SGCD: variants seen among roughly 807,000 people sequenced by gnomAD.
SGCD encodes sarcoglycan delta, also known as delta-sarcoglycan.
A neutral mutation model predicts 36.6 loss-of-function variants in SGCD; 18 were observed. The observed-to-expected ratio is 0.49, with a 90% confidence interval of 0.34 to 0.73. SGCD has a LOEUF of 0.73. Ranked by LOEUF, SGCD falls within the 30% of genes least tolerant of loss-of-function variation. SGCD has a pLI of 0.01. For synonymous variants in SGCD, 133 were observed against 130.6 expected (o/e 1.02, Z -0.12); for missense variants, 387 against 346.7 (o/e 1.12, Z -0.92).
intron 7 of SGCD, among the ~76,000 whole-genome samples, chr5:156,717,199 A>T (rs1196142661): frequency 6.6e-6 from 1 of 152,184 alleles, no homozygotes; most frequent in Admixed American, 6.5e-5. Context: ...TTTACATAGG[A>T]TGCCTCAAAG....
chr5:155,831,860 A>C, the SGCD span, among the ~76,000 whole-genome samples: 1 of 152,212 alleles, frequency 6.6e-6, no homozygotes, highest in Admixed American at 6.5e-5. Context: ...AGCTTTAGGC[A>C]ATGATCTTGG....
intron 5 of SGCD, among the ~76,000 whole-genome samples, chr5:156,590,161 T>G (rs1401377330): frequency 6.6e-6 from 1 of 152,158 alleles, no homozygotes; most frequent in Non-Finnish European, 1.5e-5. Context: ...GGATGGACAT[T>G]TTGAGAAGCC....
chr5:155,927,413 C>T (rs1383544656), intron 1 of SGCD, among the ~76,000 whole-genome samples: 1 of 152,050 alleles, frequency 6.6e-6, no homozygotes, highest in East Asian at 1.9e-4. Flanking sequence ...GAACACACAC[C>T]ATGGAGAACC....
At chr5:155,994,329 G>A (rs1245230832) in intron 1 of SGCD, among the ~76,000 whole-genome samples, 1 of 152,124 alleles carries the variant, frequency 6.6e-6, no homozygotes, top group African/African-American at 2.4e-5. Flanking sequence ...ATTAAATGAG[G>A]TCTTACATGG....
chr5:156,027,613 T>G (rs990523321), intron 1 of SGCD, among the ~76,000 whole-genome samples: 6 of 151,952 alleles, frequency 3.9e-5, no homozygotes, highest in African/African-American at 1.5e-4. Context: ...CCAGAAAACC[T>G]CACACATGGT....
chr5:155,755,436 A>G, the SGCD span, among the ~76,000 whole-genome samples: 3 of 152,182 alleles, frequency 2.0e-5, no homozygotes, highest in African/African-American at 7.2e-5. Flanking sequence ...ACATTATAAA[A>G]CAATTTGTCT....
upstream of SGCD, among the ~76,000 whole-genome samples, chr5:155,869,606 C>A (rs1206176114): frequency 6.6e-6 from 1 of 151,888 alleles, no homozygotes; most frequent in African/African-American, 2.4e-5. Context: ...AGGTCTGTCA[C>A]GTACATGGCA....
At chr5:156,594,905 ATC>A (rs749060001) in intron 5 of SGCD, 25 bp from the exon 6 acceptor site, 13 of 1,438,976 alleles carry the variant, frequency 9.0e-6, no homozygotes, top group South Asian at 2.4e-5. Flanking sequence ...TCTCCTCTCT[ATC>A]TCTCTATCTC....
intron 3 of SGCD, among the ~76,000 whole-genome samples, chr5:156,381,460 G>T (rs1770970870): frequency 6.6e-6 from 1 of 152,102 alleles, no homozygotes; most frequent in Admixed American, 6.6e-5. Context: ...TGGTAGTTTG[G>T]GGAGCTGGGC....
chr5:156,452,003 C>A (rs913920418), intron 3 of SGCD, among the ~76,000 whole-genome samples: 5 of 152,128 alleles, frequency 3.3e-5, no homozygotes, highest in South Asian at 2.1e-4. Context: ...AAAACTGAGG[C>A]AGAGAGAAGC....
At chr5:156,340,048 A>G (rs1055186143) in intron 2 of SGCD, among the ~76,000 whole-genome samples, 1 of 152,226 alleles carries the variant, frequency 6.6e-6, no homozygotes, top group Non-Finnish European at 1.5e-5. Flanking sequence ...TAGAATGCAC[A>G]CAACTTTACA....
intron 1 of SGCD, among the ~76,000 whole-genome samples, chr5:155,985,040 C>T (rs773023159): frequency 7.9e-5 from 12 of 152,152 alleles, no homozygotes; most frequent in African/African-American, 1.7e-4. Flanking sequence ...TAAGGCTCAC[C>T]AATATCAAAA....
intron 6 of SGCD, among the ~76,000 whole-genome samples, chr5:156,602,292 T>G (rs954130099): frequency 3.9e-4 from 58 of 150,414 alleles, no homozygotes; most frequent in African/African-American, 1.4e-3. Flanking sequence ...ATACGTCCAT[T>G]TGATGTCCCA....
intron 1 of SGCD, among the ~76,000 whole-genome samples, chr5:156,089,781 G>C (rs2127593803): frequency 1.3e-5 from 2 of 152,290 alleles, no homozygotes; most frequent in South Asian, 4.1e-4. Flanking sequence ...TAGTCTTCTG[G>C]AGGTGTGGTC....
At chr5:156,243,943 C>T (rs927132899) in intron 3 of SGCD, among the ~76,000 whole-genome samples, 3 of 152,096 alleles carry the variant, frequency 2.0e-5, no homozygotes, top group African/African-American at 7.2e-5. Context: ...ATTTACAGAT[C>T]AATGTGGAAC....
intron 1 of SGCD, among the ~76,000 whole-genome samples, chr5:156,059,145 T>G (rs1180197546): frequency 7.0e-6 from 1 of 143,876 alleles, no homozygotes. Flanking sequence ...TTTCTGGGAG[T>G]TTTTGAGGGC....
At chr5:155,825,752 T>C in the SGCD span, among the ~76,000 whole-genome samples, 1 of 151,712 alleles carries the variant, frequency 6.6e-6, no homozygotes, top group Non-Finnish European at 1.5e-5. Flanking sequence ...GTTGTTGTTG[T>C]TGTTGTTGTT....
At chr5:156,524,273 A>G (rs1335542472) in intron 4 of SGCD, among the ~76,000 whole-genome samples, 1 of 119,572 alleles carries the variant, frequency 8.4e-6, no homozygotes. Context: ...GTTTATATAT[A>G]GTAATATATA....
chr5:156,161,807 T>C (rs1763092579), intron 3 of SGCD, among the ~76,000 whole-genome samples: 1 of 151,726 alleles, frequency 6.6e-6, no homozygotes, highest in South Asian at 2.1e-4. Context: ...TTAAGAAGCG[T>C]GAACTTCTTA....
Sources: allele counts gnomAD v4.1 joint callset (sites outside exome capture counted in the v4.1 genomes callset), GRCh38; gene constraint gnomAD v4.1.1; transcripts MANE v1.5; gene names NCBI Gene and HGNC (gene_info 2026-07-23, HGNC 2026-07-21).